The following NSD2 variants were observed in gnomAD, a reference collection of about 807,000 sequenced individuals.
NSD2 encodes the protein nuclear receptor binding SET domain protein 2, also known as histone-lysine N-methyltransferase NSD2.
NSD2 carries 12 observed loss-of-function variants against 139.0 expected under a neutral mutation model. The observed-to-expected ratio is 0.09, with a 90% CI of 0.06 to 0.14. The LOEUF is 0.14. NSD2 is among the 10% of genes least tolerant of loss of function. The pLI is 1.00. For synonymous variants in NSD2, 669 were observed against 648.7 expected (o/e 1.03, Z -0.48); for missense variants, 1,155 against 1,745.0 (o/e 0.66, Z 6.02).
At chr4:1,872,557 G>T (rs1268511381) in intron 1 of NSD2, among the ~76,000 whole-genome samples, 1 of 139,302 alleles carries the variant, frequency 7.2e-6, no homozygotes, top group East Asian at 2.4e-4. Flanking sequence ...GGTAGATAAC[G>T]TGTATTTTGT....
At chr4:1,879,994 G>C (rs1714585598) in intron 1 of NSD2, among the ~76,000 whole-genome samples, 1 of 152,106 alleles carries the variant, frequency 6.6e-6, no homozygotes, top group Admixed American at 6.6e-5. Context: ...TATGTCTTCA[G>C]TGCCTAAATG....
chr4:1,961,174 GC>G, intron 18 of NSD2, 23 bp downstream of exon 18: 1 of 1,571,172 alleles, frequency 6.4e-7, no homozygotes, highest in Non-Finnish European at 8.7e-7. Context: ...TCCACTGTGA[GC>G]TTCTGCAGTG....
chr4:1,887,901 TC>T, intron 1 of NSD2, among the ~76,000 whole-genome samples: 1 of 151,910 alleles, frequency 6.6e-6, no homozygotes, highest in Middle Eastern at 3.4e-3. Flanking sequence ...ATCTGTCAGT[TC>T]CTTTTTTTCT....
intron 2 of NSD2, among the ~76,000 whole-genome samples, chr4:1,903,622 T>TA (rs2108754688): frequency 6.6e-6 from 1 of 152,228 alleles, no homozygotes; most frequent in African/African-American, 2.4e-5. Flanking sequence ...TTAAAGACCG[T>TA]CTATTAATAC....
chr4:1,960,858 C>T (rs545267202), intron 17 of NSD2, among the ~76,000 whole-genome samples, 177 bp from the exon 18 acceptor site: 1 of 152,218 alleles, frequency 6.6e-6, no homozygotes, highest in East Asian at 1.9e-4. Context: ...CCTTTACATA[C>T]AGATATGTCT....
intron 10 of NSD2, 195 bp from the exon 11 acceptor site, chr4:1,951,913 C>T (rs142642769): frequency 2.4e-6 from 2 of 819,916 alleles, no homozygotes; most frequent in Non-Finnish European, 3.6e-6. Flanking sequence ...CTGTAACAGT[C>T]ATCTGGTTTT....
chr4:1,952,015 G>T (rs1724316944), intron 10 of NSD2, 93 bp from the exon 11 acceptor site: 1 of 1,525,846 alleles, frequency 6.6e-7, no homozygotes, highest in Non-Finnish European at 8.8e-7. Context: ...GGGATTTTCT[G>T]CCACTGGAGA....
Position 1,873,647 on chromosome 4 carries a change from C to T in NSD2, c.-30+2105C>T, listed in dbSNP as rs182328348. Among the ~76,000 whole-genome samples the T allele has an allele frequency of 7.6e-4, 116 of 152,344 alleles. 1 individual carries two copies. The highest frequency in any genetic ancestry group is 3.9e-3 in the Admixed American group (59 of 15,304). ...GCCTTCTGCCTATTCAGATTATCTTCTCCTTCTAAAAGTAATCAAATCTTA... is the reference window on the plus strand; with the variant it reads ...GCCTTCTGCCTATTCAGATTATCTTTTCCTTCTAAAAGTAATCAAATCTTA... On this transcript the variant is annotated intron_variant, in intron 1 of 21. Coordinates refer to ENST00000508803, the MANE Select transcript of NSD2 (RefSeq NM_001042424.3).
chr4:1,923,316 CAAAA>C (rs34772768), intron 5 of NSD2, among the ~76,000 whole-genome samples: 13 of 62,248 alleles, frequency 2.1e-4, no homozygotes, highest in Non-Finnish European at 1.8e-4. Flanking sequence ...GACCCTGGCT[CAAAA>C]AAAAAAAAAA....
chr4:1,962,019 G>A (rs753591762), intron 18 of NSD2, among the ~76,000 whole-genome samples: 4 of 152,188 alleles, frequency 2.6e-5, no homozygotes, highest in Non-Finnish European at 4.4e-5. Flanking sequence ...AATGATCACC[G>A]ATAAAAAAAT....
At chr4:1,940,545 A>G in intron 9 of NSD2, 1 of 1,064,474 alleles carries the variant, frequency 9.4e-7, no homozygotes, top group Non-Finnish European at 1.1e-6. Context: ...CCTGATTTTT[A>G]GGGATTACCT....
intron 1 of NSD2, among the ~76,000 whole-genome samples, chr4:1,884,687 C>T (rs1319823980): frequency 6.6e-6 from 1 of 152,136 alleles, no homozygotes; most frequent in African/African-American, 2.4e-5. Context: ...CCACTGGGCC[C>T]AGCCTCGTTC....
At chr4:1,951,491 C>T (rs1232475593) in intron 10 of NSD2, among the ~76,000 whole-genome samples, 4 of 140,824 alleles carry the variant, frequency 2.8e-5, no homozygotes, top group African/African-American at 1.2e-4. Context: ...CACACACACA[C>T]ACACACACAC....
Position 1,948,778 on chromosome 4 carries a change from T to A in NSD2, c.1882-2294T>A. On this transcript the variant is annotated intron_variant, in intron 9 of 21. Transcript: ENST00000508803. The surrounding 1 kb of genome is among the most constrained non-coding windows in gnomAD (Gnocchi z 4.5). ...TCTCCAAGTGGAAACGTGCTAACTT[T>A]TTCTGTAAATCTGAAATAAAAGGTG... 9.6e-7 allele frequency: 1 copy of A among 1,041,172 alleles called. No homozygotes were observed. The allele number at this position is 1,041,172 out of a possible 1,614,324, so 64.5% of individuals were successfully genotyped here.
intron 1 of NSD2, among the ~76,000 whole-genome samples, chr4:1,875,365 T>G (rs765346560): frequency 4.0e-5 from 6 of 150,828 alleles, no homozygotes; most frequent in Non-Finnish European, 5.9e-5. Flanking sequence ...CATTGCAGCC[T>G]TGATCACCTG....
At chr4:1,885,857 A>T (rs1715045381) in intron 1 of NSD2, among the ~76,000 whole-genome samples, 1 of 151,958 alleles carries the variant, frequency 6.6e-6, no homozygotes, top group African/African-American at 2.4e-5. Context: ...AGAAAAACTG[A>T]GTTGTGTGAG....
intron 5 of NSD2, among the ~76,000 whole-genome samples, chr4:1,922,700 C>T (rs58015003): frequency 0.032 from 4,824 of 151,858 alleles, 248 homozygotes; most frequent in African/African-American, 0.11. Flanking sequence ...TCAAGGCAGG[C>T]GGATCACCGG....
At chr4:1,890,687 C>T (rs960317488) in intron 1 of NSD2, among the ~76,000 whole-genome samples, 6 of 151,936 alleles carry the variant, frequency 3.9e-5, no homozygotes, top group South Asian at 4.1e-4. Flanking sequence ...CTGCAACCTC[C>T]GCCTCCTGGG....
intron 9 of NSD2, chr4:1,947,837 A>G (rs1241693584): frequency 1.9e-6 from 2 of 1,050,366 alleles, no homozygotes; most frequent in Admixed American, 5.5e-5. Flanking sequence ...TTGTGAAGGG[A>G]TTTGTTTTGT....
Sources: gnomAD v4.1 joint callset for allele counts (sites outside exome capture counted in the v4.1 genomes callset) on GRCh38, gnomAD v4.1.1 for gene constraint, Gnocchi (gnomAD v3.1) non-coding constraint, MANE v1.5 for transcripts, NCBI Gene and HGNC (gene_info 2026-07-23, HGNC 2026-07-21) for gene names.